Variants in HPS3 observed in about 807,000 individuals in gnomAD.
The protein encoded by HPS3 is HPS3 biogenesis of lysosomal organelles complex 2 subunit 1.
In HPS3, 79 loss-of-function variants were observed where a neutral mutation model predicts 110.9. That is an observed-to-expected ratio of 0.71 (90% CI 0.59 to 0.86). The LOEUF (loss-of-function observed/expected upper bound fraction) is 0.86, where lower values mean the gene tolerates loss of function less well. Among genes scored for constraint, HPS3 ranks in the 40% least tolerant of loss-of-function variants. The pLI is 0.00. For missense variants in HPS3, 1,197 were observed against 1,206.2 expected (o/e 0.99, Z 0.11); for synonymous variants, 428 against 451.0 (o/e 0.95, Z 0.65).
At chr3:149,149,430 A>G (rs189145372) in intron 5 of HPS3, among the ~76,000 whole-genome samples, 3 of 152,202 alleles carry the variant, frequency 2.0e-5, no homozygotes, top group East Asian at 1.9e-4. Flanking sequence ...TGGTAGTGCT[A>G]CTGTCCTAGT....
intron 12 of HPS3, 91 bp downstream of exon 12, chr3:149,162,424 G>T: frequency 8.0e-7 from 1 of 1,244,254 alleles, no homozygotes; most frequent in Non-Finnish European, 1.2e-6. Flanking sequence ...TTTTTCATTT[G>T]TTTGTTTATT....
chr3:149,173,598 G>A lies in HPS3; in HGVS notation c.*1376G>A. ...AAATGTACAAAGTTGTATGCTTCCA[G>A]TCTTCTTTTAATGTTTATAGTCATT... On this transcript the variant is annotated 3_prime_UTR_variant, in exon 17 of 17. Transcript: ENST00000296051. 1.4e-6 allele frequency: 1 copy of A among 726,228 alleles called. No homozygotes were observed. The highest frequency in any genetic ancestry group is 2.3e-6 in the Non-Finnish European group (1 of 434,958). 45.0% of individuals were successfully genotyped at this position (726,228 alleles called of 1,614,324 possible).
intron 16 of HPS3, among the ~76,000 whole-genome samples, chr3:149,171,599 T>C (rs1441208741): frequency 6.6e-6 from 1 of 152,100 alleles, no homozygotes; most frequent in African/African-American, 2.4e-5. Context: ...CAAAGGATTC[T>C]AGTAAGGAAA....
At chr3:149,168,294 A>G (rs1434350836) in intron 16 of HPS3, 1 of 319,732 alleles carries the variant, frequency 3.1e-6, no homozygotes, top group Admixed American at 4.7e-5. Context: ...TCTTTTATCA[A>G]TGATCAGAGT....
At chr3:149,150,745 G>T in intron 6 of HPS3, 65 bp downstream of exon 6, 3 of 1,278,770 alleles carry the variant, frequency 2.3e-6, no homozygotes, top group South Asian at 2.4e-5. Flanking sequence ...AATACTCGTA[G>T]ATTTGCTCTC....
At chr3:149,139,813 A>G (rs1559908169) in intron 1 of HPS3, among the ~76,000 whole-genome samples, 191 bp from the exon 2 acceptor site, 2 of 152,160 alleles carry the variant, frequency 1.3e-5, no homozygotes, top group Non-Finnish European at 2.9e-5. Flanking sequence ...GATGGGAGAG[A>G]TTGCATTTCA....
At position 149,162,756 on chromosome 3, in the gene HPS3, G is replaced by C; in HGVS notation, c.2359G>C (p.Val787Leu). 6.2e-7 allele frequency: 1 copy of C among 1,613,988 alleles called. No individual in the cohort carries two copies. The highest frequency in any genetic ancestry group is 8.5e-7 in the Non-Finnish European group (1 of 1,179,926). The change falls in exon 13 of 17, where the codon GTG (valine) becomes CTG (leucine). Residue 787 changes from valine (V) to leucine (L), a missense_variant. Val to Leu is a conservative substitution (Grantham distance 32, BLOSUM62 1). Transcript: ENST00000296051. ...LLVDFWEAQL[V>L]ACLPDVVLQE... Reference sequence around the variant, plus strand: ...GGTAGACTTTTGGGAAGCTCAGCTAGTGGCATGTCTCCCAGATGTGGTACT... The same window carrying C: ...GGTAGACTTTTGGGAAGCTCAGCTACTGGCATGTCTCCCAGATGTGGTACT...
Position 149,162,816 on chromosome 3 carries a change from A to C in HPS3, c.2419A>C (p.Ile807Leu), listed in dbSNP as rs751525171. Residue 807 changes from isoleucine (I) to leucine (L), a missense_variant, in exon 13 of 17, where the codon ATC becomes CTC. Coordinates refer to ENST00000296051, the MANE Select transcript of HPS3 (RefSeq NM_032383.5). Reference sequence around the variant, plus strand: ...CTTTTTCAAACTCACATCACAGTACATCTGGAGATTGTCTAAGAGGCAGCC... The same window carrying C: ...CTTTTTCAAACTCACATCACAGTACCTCTGGAGATTGTCTAAGAGGCAGCC... ...ELFFKLTSQY[I>L]WRLSKRQPPD... 5 of 1,613,986 alleles carry C rather than the reference A, an allele frequency of 3.1e-6. No individual in the cohort carries two copies. Among genetic ancestry groups the C allele is most frequent in the African/African-American group, 1.3e-5 (1 of 74,938 alleles).
chr3:149,166,910 A>G (rs1033560262), intron 14 of HPS3, 124 bp from the exon 15 acceptor site: 2 of 766,594 alleles, frequency 2.6e-6, no homozygotes, highest in African/African-American at 3.4e-5. Flanking sequence ...ATGTGCTCTA[A>G]TATGGCATTC....
At chr3:149,136,068 C>G (rs1188484985) in intron 1 of HPS3, among the ~76,000 whole-genome samples, 4 of 151,850 alleles carry the variant, frequency 2.6e-5, no homozygotes, top group Non-Finnish European at 5.9e-5. Flanking sequence ...ACTCTAAGCT[C>G]AAGAGTAAAA....
At position 149,162,255 on chromosome 3, in the gene HPS3, T is replaced by C; in HGVS notation, c.2214T>C (p.Pro738=). The stretch of plus-strand genomic sequence containing the variant: ...CACTTCACTTGAAGGAAACTCAGCC[T>C]GGATTGCTTGTGGCTTCAGTTCTGG... The part of the protein sequence containing the change: ...ELALHLKETQ[P]GLLVASVLGL... The change falls in exon 12 of 17, where the codon CCT becomes CCC. Residue 738 remains proline, a synonymous_variant. Transcript: ENST00000296051. The C allele has an allele frequency of 6.2e-7, 1 of 1,614,022 alleles. No homozygotes were observed. Among genetic ancestry groups the C allele is most frequent in the Non-Finnish European group, 8.5e-7 (1 of 1,179,926 alleles).
chr3:149,167,509 T>C (rs1052849534), intron 15 of HPS3, among the ~76,000 whole-genome samples: 3 of 152,214 alleles, frequency 2.0e-5, no homozygotes, highest in African/African-American at 4.8e-5. Context: ...GAACAGTGTA[T>C]GATGGGAAAA....
At chr3:149,153,372 G>A (rs1160855183) in intron 6 of HPS3, 122 bp from the exon 7 acceptor site, 1 of 811,416 alleles carries the variant, frequency 1.2e-6, no homozygotes, top group African/African-American at 1.7e-5. Context: ...TTGTTTTTTG[G>A]TGGTGGTGGG....
At chr3:149,166,533 CAT>C in intron 14 of HPS3, among the ~76,000 whole-genome samples, 1 of 152,246 alleles carries the variant, frequency 6.6e-6, no homozygotes, top group Admixed American at 6.5e-5. Flanking sequence ...CTCATTTTAT[CAT>C]AAACTTTTTT....
chr3:149,165,595 G>T (rs969194349), intron 14 of HPS3, among the ~76,000 whole-genome samples: 5 of 151,922 alleles, frequency 3.3e-5, no homozygotes, highest in Non-Finnish European at 5.9e-5. Flanking sequence ...TCCCACCTCG[G>T]GTTCCCAAAG....
At position 149,157,676 on chromosome 3, in the gene HPS3, T is replaced by C. The variant is rs913436770; in HGVS notation, c.1691+145T>C. 30 of 776,936 alleles carry C rather than the reference T, an allele frequency of 3.9e-5. No homozygotes were observed. In the African/African-American group the frequency reaches 4.8e-4, roughly 12 times the overall value. The allele number at this position is 776,936 out of a possible 1,614,324, so 48.1% of individuals were successfully genotyped here. A position where few individuals can be genotyped will look rare whatever the true frequency, so the allele number is the denominator to read the frequency against. On this transcript the variant is annotated intron_variant, in intron 9 of 16. Transcript: ENST00000296051. The stretch of plus-strand genomic sequence containing the variant: ...CTTCCACAAGCATTTGTTGAGCACA[T>C]ACTCTGTTAGGCACTGTGCTAGGCT...
At position 149,164,045 on chromosome 3, in the gene HPS3, A is replaced by G. The variant is rs1478205085; in HGVS notation, c.2589+96A>G. The G allele has an allele frequency of 5.8e-6, 4 of 685,098 alleles. No individual in the cohort carries two copies. The African/African-American group carries it at 7.2e-5, about 12-fold the overall frequency. The allele number at this position is 685,098 out of a possible 1,614,324, so 42.4% of individuals were successfully genotyped here. Reference sequence around the variant, plus strand: ...ACCCCAGGTGTCCTGTTAATCTAGAATGTAGAATTTTGAGGGACAAAATCC... The same window carrying G: ...ACCCCAGGTGTCCTGTTAATCTAGAGTGTAGAATTTTGAGGGACAAAATCC... On this transcript the variant is annotated intron_variant, in intron 14 of 16. Coordinates refer to ENST00000296051, the MANE Select transcript of HPS3 (RefSeq NM_032383.5).
Position 149,129,922 on chromosome 3 carries a change from C to T in HPS3, c.199C>T (p.Leu67=), listed in dbSNP as rs546531255. 9.4e-5 allele frequency: 146 copies of T among 1,556,632 alleles called. 4 individuals are homozygous for T. The South Asian group carries it at 1.6e-3, about 18-fold the overall frequency. ...CTCCACGCTGGGCCGGGTGTTGCGC[C>T]TGGCCTACAGCGAGGCTGGTGAGTA... ...AFSTLGRVLR[L]AYSEAGDYLV... is the part of the protein sequence containing the mutation. The change falls in exon 1 of 17, where the codon CTG becomes TTG. Residue 67 remains leucine (L), a synonymous_variant. Coordinates refer to ENST00000296051, the MANE Select transcript of HPS3 (RefSeq NM_032383.5).
intron 8 of HPS3, among the ~76,000 whole-genome samples, chr3:149,155,989 G>A (rs914388390): frequency 1.3e-5 from 2 of 152,062 alleles, no homozygotes; most frequent in Admixed American, 6.6e-5. Flanking sequence ...AGCTATGGTC[G>A]TACCACTGCA....
Sources: allele counts gnomAD v4.1 joint callset (sites outside exome capture counted in the v4.1 genomes callset), GRCh38; gene constraint gnomAD v4.1.1; transcripts MANE v1.5; gene names NCBI Gene and HGNC (gene_info 2026-07-23, HGNC 2026-07-21).